Variants in DLG2 observed in about 807,000 individuals in gnomAD.
The protein encoded by DLG2 is disks large homolog 2.
DLG2 carries 45 observed loss-of-function variants against 132.5 expected under a neutral mutation model. The observed-to-expected ratio is 0.34, with a 90% CI of 0.27 to 0.44. DLG2 has a LOEUF of 0.44. DLG2 is among the 20% of genes least tolerant of loss of function. The probability of loss-of-function intolerance (pLI) is 1.00; values close to 1 mark genes in which losing one functional copy is unlikely to be tolerated. For missense variants in DLG2, 1,045 were observed against 1,196.9 expected, an observed-to-expected ratio of 0.87 and a Z score of 1.87; for synonymous variants, 424 against 419.6, an observed-to-expected ratio of 1.01 and a Z score of -0.13.
intron 18 of DLG2, among the ~76,000 whole-genome samples, chr11:83,676,825 T>A (rs1394208686): frequency 6.6e-6 from 1 of 152,208 alleles, no homozygotes; most frequent in Non-Finnish European, 1.5e-5. Context: ...AGGGCCCATT[T>A]ATCCATGTCC....
chr11:84,510,634 A>C (rs2154513890), intron 7 of DLG2, among the ~76,000 whole-genome samples: 1 of 152,322 alleles, frequency 6.6e-6, no homozygotes, highest in East Asian at 1.9e-4. Flanking sequence ...ATATAATACA[A>C]CTTGGAACAT....
Position 84,279,754 on chromosome 11 carries a change from A to G in DLG2, c.520-28463T>C, listed in dbSNP as rs139164705. Among the ~76,000 whole-genome samples the G allele has an allele frequency of 2.8e-3, 427 of 152,336 alleles. 1 individual carries two copies. The highest frequency in any genetic ancestry group is 9.6e-3 in the African/African-American group (401 of 41,576). On this transcript the variant is annotated intron_variant, in intron 7 of 27. Coordinates refer to ENST00000376104, the MANE Select transcript of DLG2 (RefSeq NM_001142699.3). ...GTTCTCACTCATAAGTAGGAGTTGA[A>G]CAATGAGAACAAATGGACACGGGGA...
intron 3 of DLG2, among the ~76,000 whole-genome samples, chr11:85,539,529 T>C (rs748363468): frequency 2.0e-5 from 3 of 152,202 alleles, no homozygotes; most frequent in African/African-American, 7.2e-5. Flanking sequence ...CTAATGGGTA[T>C]GAGCTTTCTT....
chr11:84,467,274 T>C (rs1305220517), intron 7 of DLG2, among the ~76,000 whole-genome samples: 1 of 151,440 alleles, frequency 6.6e-6, no homozygotes, highest in Non-Finnish European at 1.5e-5. Flanking sequence ...GAATCATTTG[T>C]CATTATTAGA....
At chr11:84,531,060 G>A (rs1049116044) in intron 7 of DLG2, among the ~76,000 whole-genome samples, 1 of 152,136 alleles carries the variant, frequency 6.6e-6, no homozygotes, top group Non-Finnish European at 1.5e-5. Context: ...AGGTTGCAGG[G>A]AGCCAAGATT....
intron 6 of DLG2, among the ~76,000 whole-genome samples, chr11:84,592,744 G>A (rs10898270): frequency 6.6e-6 from 1 of 150,624 alleles, no homozygotes; most frequent in African/African-American, 2.4e-5. Flanking sequence ...ATGAGAGAAA[G>A]GCAAATCAAA....
chr11:84,885,299 G>T lies in DLG2; in HGVS notation c.357+226362C>A, dbSNP rs145969591. On this transcript the variant is annotated intron_variant, in intron 6 of 27. Transcript: ENST00000376104. ...TTTTTTAAGCATCTAATGATTTTCTGGCATGCACAAAGGTATGCACATTAG... is the reference window on the plus strand; with the variant it reads ...TTTTTTAAGCATCTAATGATTTTCTTGCATGCACAAAGGTATGCACATTAG... Among the ~76,000 whole-genome samples, 477 of 150,980 alleles carry T rather than the reference G, an allele frequency of 3.2e-3. 7 individuals are homozygous for T. The highest frequency in any genetic ancestry group is 0.011 in the African/African-American group (446 of 41,400).
intron 6 of DLG2, among the ~76,000 whole-genome samples, chr11:84,596,379 CTT>C (rs1211350827): frequency 1.7e-4 from 21 of 121,724 alleles, no homozygotes; most frequent in Middle Eastern, 7.6e-3. Flanking sequence ...AGATAATTTT[CTT>C]TTTTTTTTTT....
At chr11:84,208,921 A>T (rs2096713992) in intron 8 of DLG2, among the ~76,000 whole-genome samples, 1 of 152,216 alleles carries the variant, frequency 6.6e-6, no homozygotes, top group African/African-American at 2.4e-5. Context: ...GGAAGGTTAG[A>T]ATAGAACTGG....
At chr11:85,219,006 TA>T (rs745527746) in intron 4 of DLG2, among the ~76,000 whole-genome samples, 2 of 152,076 alleles carry the variant, frequency 1.3e-5, no homozygotes, top group Non-Finnish European at 2.9e-5. Context: ...TTCTTACTTA[TA>T]GGGGGAAGCT....
At chr11:84,071,142 T>C (rs2096750441) in intron 10 of DLG2, among the ~76,000 whole-genome samples, 1 of 152,178 alleles carries the variant, frequency 6.6e-6, no homozygotes, top group Admixed American at 6.5e-5. Flanking sequence ...GCCCCAGCTG[T>C]AGTGCAGTGG....
chr11:83,642,730 A>G (rs2066934949), intron 18 of DLG2, among the ~76,000 whole-genome samples: 1 of 152,204 alleles, frequency 6.6e-6, no homozygotes, highest in African/African-American at 2.4e-5. Context: ...TGACAGGAGT[A>G]ACTGATGTAT....
intron 10 of DLG2, among the ~76,000 whole-genome samples, chr11:84,065,406 G>A (rs1244699458): frequency 6.6e-6 from 1 of 152,002 alleles, no homozygotes; most frequent in Non-Finnish European, 1.5e-5. Flanking sequence ...GTGCATAAAG[G>A]ACATGAACAG....
At chr11:85,496,415 G>T (rs1304736322) in intron 3 of DLG2, among the ~76,000 whole-genome samples, 1 of 152,188 alleles carries the variant, frequency 6.6e-6, no homozygotes. Context: ...AAGTGGCAGG[G>T]AAGCTCAAAC....
At chr11:84,536,666 A>G (rs911985972) in intron 6 of DLG2, among the ~76,000 whole-genome samples, 4 of 152,082 alleles carry the variant, frequency 2.6e-5, no homozygotes, top group African/African-American at 9.7e-5. Context: ...CACATTTTTG[A>G]TTCTCTCATA....
At chr11:84,680,778 T>C (rs924679177) in intron 6 of DLG2, among the ~76,000 whole-genome samples, 3 of 152,332 alleles carry the variant, frequency 2.0e-5, no homozygotes, top group Non-Finnish European at 2.9e-5. Flanking sequence ...ATGTTAACAC[T>C]GTCTTTGCAT....
chr11:84,446,722 G>GAGA (rs1218109377), intron 7 of DLG2, among the ~76,000 whole-genome samples: 2 of 152,044 alleles, frequency 1.3e-5, no homozygotes, highest in African/African-American at 2.4e-5. Context: ...TTTCACAAAT[G>GAGA]AGAATCCTTT....
intron 18 of DLG2, among the ~76,000 whole-genome samples, chr11:83,742,507 G>A (rs769151395): frequency 9.2e-5 from 14 of 152,124 alleles, no homozygotes; most frequent in Non-Finnish European, 1.8e-4. Flanking sequence ...AGATTCAGGA[G>A]TCCTTGACTT....
intron 18 of DLG2, among the ~76,000 whole-genome samples, chr11:83,638,247 C>T (rs2065373945): frequency 6.6e-6 from 1 of 152,084 alleles, no homozygotes; most frequent in South Asian, 2.1e-4. Flanking sequence ...ATTTGGGGTT[C>T]TGGCATTTGT....
Sources: gnomAD v4.1 joint callset for allele counts (sites outside exome capture counted in the v4.1 genomes callset) on GRCh38, gnomAD v4.1.1 for gene constraint, MANE v1.5 for transcripts, NCBI Gene and HGNC (gene_info 2026-07-23, HGNC 2026-07-21) for gene names.